Variants in FHIT observed in about 807,000 individuals in gnomAD.
FHIT encodes bis(5'-adenosyl)-triphosphatase.
A neutral mutation model predicts 17.9 loss-of-function variants in FHIT; 19 were observed. That is an observed-to-expected ratio of 1.06 (90% CI 0.74 to 1.56). FHIT has a LOEUF of 1.56. Among genes scored for constraint, FHIT ranks in the 40% most tolerant of loss-of-function variants. The pLI, the probability that FHIT is intolerant of heterozygous loss-of-function variation, is 0.00. For synonymous variants in FHIT, 81 were observed against 69.7 expected (o/e 1.16, Z -0.81); for missense variants, 248 against 189.2 (o/e 1.31, Z -1.82).
At chr3:60,328,464 G>A (rs539825866) in intron 5 of FHIT, among the ~76,000 whole-genome samples, 12 of 152,254 alleles carry the variant, frequency 7.9e-5, no homozygotes, top group East Asian at 7.7e-4. Context: ...GCAAGAGAGC[G>A]TGTGCTCGGG....
intron 4 of FHIT, chr3:60,596,198 C>A (rs1229720076): frequency 2.4e-5 from 5 of 204,680 alleles, no homozygotes; most frequent in Non-Finnish European, 4.3e-5. Flanking sequence ...CTACTAAACA[C>A]CCAGTCTCCA....
chr3:60,455,818 G>C (rs1195986576), intron 5 of FHIT, among the ~76,000 whole-genome samples: 2 of 152,242 alleles, frequency 1.3e-5, no homozygotes, highest in East Asian at 3.9e-4. Context: ...GGTCAGTGGG[G>C]AGAAGTGAGT....
intron 5 of FHIT, among the ~76,000 whole-genome samples, chr3:60,268,867 A>G (rs1205359815): frequency 6.6e-6 from 1 of 152,148 alleles, no homozygotes; most frequent in Non-Finnish European, 1.5e-5. Flanking sequence ...GCCCAACATA[A>G]TCACAAGGGT....
chr3:60,055,862 C>T (rs212035), intron 5 of FHIT, among the ~76,000 whole-genome samples: 1 of 152,204 alleles, frequency 6.6e-6, no homozygotes, highest in Non-Finnish European at 1.5e-5. Flanking sequence ...CAAACTCTTT[C>T]TAGGCAGCTT....
In FHIT at chr3:60,981,160, C is replaced by G. The variant is rs184209502; in HGVS notation, c.-111+60887G>C. ...GAAAGCCATGCTGGGATGTTCCATG[C>G]AGAAATGCAGATAATACCCTTCTGC... On this transcript the variant is annotated intron_variant, in intron 3 of 9. Coordinates refer to ENST00000492590, the MANE Select transcript of FHIT (RefSeq NM_002012.4). Among the ~76,000 whole-genome samples, 845 of 152,318 alleles carry G rather than the reference C, an allele frequency of 5.5e-3. 3 individuals carry two copies. Among genetic ancestry groups the G allele is most frequent in the Non-Finnish European group, 7.9e-3 (539 of 68,018 alleles).
At chr3:60,995,858 C>T (rs2030635593) in intron 3 of FHIT, among the ~76,000 whole-genome samples, 1 of 152,108 alleles carries the variant, frequency 6.6e-6, no homozygotes, top group Non-Finnish European at 1.5e-5. Flanking sequence ...TACTAGTGGC[C>T]TCTCTGTATC....
chr3:60,428,348 G>T lies in FHIT; in HGVS notation c.103+108512C>A, dbSNP rs530319139. On this transcript the variant is annotated intron_variant, in intron 5 of 9. Transcript: ENST00000492590. Reference sequence around the variant, plus strand: ...ACTGTTCGAATTATTACCTGGAATCGTGGCAATAGGACCCATTTCCCTGTC... The same window carrying T: ...ACTGTTCGAATTATTACCTGGAATCTTGGCAATAGGACCCATTTCCCTGTC... 2.0e-5 allele frequency among the ~76,000 whole-genome samples: 3 copies of T among 152,186 alleles called. No individual in the cohort carries two copies. In the South Asian group the frequency reaches 6.2e-4, roughly 32 times the overall value.
chr3:59,869,612 G>A (rs1702825597), intron 8 of FHIT, among the ~76,000 whole-genome samples: 1 of 149,270 alleles, frequency 6.7e-6, no homozygotes, highest in Non-Finnish European at 1.5e-5. Context: ...CTCCCTAGTA[G>A]CTGGGACTAC....
intron 5 of FHIT, among the ~76,000 whole-genome samples, chr3:60,344,192 T>C (rs114165824): frequency 0.013 from 1,934 of 152,306 alleles, 32 homozygotes; most frequent in African/African-American, 0.044. Context: ...TATATTTTAC[T>C]GATGGGTAGC....
At position 60,014,006 on chromosome 3, in the gene FHIT, C is replaced by T. The variant is rs375059312; in HGVS notation, c.249+1G>A. The T allele has an allele frequency of 6.1e-5, 98 of 1,613,696 alleles. No homozygotes were observed. The highest frequency in any genetic ancestry group is 6.4e-5 in the Non-Finnish European group (76 of 1,179,830). On this transcript the variant is annotated splice_donor_variant, in intron 6 of 9. Coordinates refer to ENST00000492590, the MANE Select transcript of FHIT (RefSeq NM_002012.4). LOFTEE classifies it high-confidence loss of function. The stretch of plus-strand genomic sequence containing the variant: ...CATTTCTGAGAAATCTGTACACTCA[C>T]CTGCATGGAAAAGGTGAGAGAGGTC...
chr3:61,079,470 T>C (rs1044586582), intron 2 of FHIT, among the ~76,000 whole-genome samples: 11 of 152,206 alleles, frequency 7.2e-5, no homozygotes, highest in African/African-American at 2.7e-4. Flanking sequence ...CTTTGTTTGA[T>C]GGACTTCACG....
intron 3 of FHIT, among the ~76,000 whole-genome samples, chr3:61,021,244 T>C (rs1267421371): frequency 2.0e-5 from 3 of 152,124 alleles, no homozygotes; most frequent in Admixed American, 6.5e-5. Context: ...CAGCACCACA[T>C]CGCACTTATT....
chr3:60,227,958 A>G (rs1420792279), intron 5 of FHIT, among the ~76,000 whole-genome samples: 2 of 152,186 alleles, frequency 1.3e-5, no homozygotes, highest in African/African-American at 4.8e-5. Flanking sequence ...TAAGAACTGC[A>G]GGGGAGCTGG....
chr3:60,995,242 C>G (rs529181775), intron 3 of FHIT, among the ~76,000 whole-genome samples: 4 of 152,190 alleles, frequency 2.6e-5, no homozygotes, highest in African/African-American at 7.2e-5. Context: ...ATGGCGTGAA[C>G]CCGGGAGGCG....
chr3:60,628,230 G>T (rs1225883484), intron 4 of FHIT, among the ~76,000 whole-genome samples: 2 of 152,064 alleles, frequency 1.3e-5, no homozygotes, highest in Non-Finnish European at 2.9e-5. Context: ...GGAGTGTGTT[G>T]TTTAAGTTCT....
chr3:60,937,051 C>T (rs1246367495), intron 3 of FHIT, among the ~76,000 whole-genome samples: 1 of 152,104 alleles, frequency 6.6e-6, no homozygotes, highest in Non-Finnish European at 1.5e-5. Context: ...GATGTATAAC[C>T]TCAAATTCTG....
chr3:60,767,995 A>C (rs1209889740), intron 4 of FHIT, among the ~76,000 whole-genome samples: 2 of 152,170 alleles, frequency 1.3e-5, no homozygotes, highest in African/African-American at 4.8e-5. Flanking sequence ...TTCATGGGGC[A>C]TTTTTTATGT....
rs74770243 is a variant in FHIT, at chr3:60,914,779, T to C, written c.-110-92768A>G. On this transcript the variant is annotated intron_variant, in intron 3 of 9. Coordinates refer to ENST00000492590, the MANE Select transcript of FHIT (RefSeq NM_002012.4). ...TAATGAAGGGTTTTTATGAACCTTA[T>C]AAATTTTATTATACCTTGTAGAGAG... Among the ~76,000 whole-genome samples the C allele has an allele frequency of 4.2e-3, 643 of 152,348 alleles. 4 individuals are homozygous for C. The highest frequency in any genetic ancestry group is 0.014 in the African/African-American group (583 of 41,582).
At position 59,748,565 on chromosome 3, in the gene FHIT, AGGAGGTG is replaced by A. The variant is rs1307248372; in HGVS notation, c.*1013_*1019del. On this transcript the variant is annotated 3_prime_UTR_variant, in exon 10 of 10. Coordinates refer to ENST00000492590, the MANE Select transcript of FHIT (RefSeq NM_002012.4). ...AGGTAAGGAAGAAGTCCAGCAGGCG[AGGAGGTG>A]GGAGGTCCTCAAGGCAGAAATAGGC... Among the ~76,000 whole-genome samples, 1 of 150,032 alleles carries A rather than the reference AGGAGGTG, an allele frequency of 6.7e-6. No individual in the cohort carries two copies. The highest frequency in any genetic ancestry group is 1.5e-5 in the Non-Finnish European group (1 of 67,334).
Sources: allele counts gnomAD v4.1 joint callset (sites outside exome capture counted in the v4.1 genomes callset), GRCh38; gene constraint gnomAD v4.1.1; transcripts MANE v1.5; gene names NCBI Gene and HGNC (gene_info 2026-07-23, HGNC 2026-07-21).